GGN: variants seen among roughly 807,000 people sequenced by gnomAD.
GGN encodes the protein gametogenetin.
In GGN, 27 loss-of-function variants were observed where a neutral mutation model predicts 35.5. That is an observed-to-expected ratio of 0.76 (90% CI 0.56 to 1.05). GGN has a LOEUF of 1.05. Ranked by LOEUF, GGN falls within the 50% of genes least tolerant of loss-of-function variation. GGN has a pLI of 0.00. For synonymous variants in GGN, 425 were observed against 444.1 expected (o/e 0.96, Z 0.54); for missense variants, 1,006 against 940.7 (o/e 1.07, Z -0.91).
rs759257362 is a variant in GGN, at chr19:38,385,916, A to AGTGTGGGCGGCG, written c.1334_1345dup (p.Pro445_Thr448dup). The AGTGTGGGCGGCG allele has an allele frequency of 3.2e-6, 5 of 1,571,310 alleles. No homozygotes were observed. In the South Asian group the frequency reaches 4.6e-5, roughly 15 times the overall value. ...CGTTGGCTGGAGCGCTGGTGGCTGCAGTGTGGGCGGCGGTGTGGGCGGTGG... is the reference window on the plus strand; with the variant it reads ...CGTTGGCTGGAGCGCTGGTGGCTGCAGTGTGGGCGGCGGTGTGGGCGGCGGTGTGGGCGGTGG... On this transcript the variant is annotated inframe_insertion, in exon 3 of 4. Coordinates refer to ENST00000334928, the MANE Select transcript of GGN (RefSeq NM_152657.4).
chr19:38,385,273 G>T (rs911859800), intron 3 of GGN, 148 bp downstream of exon 3: 1 of 1,096,788 alleles, frequency 9.1e-7, no homozygotes, highest in Non-Finnish European at 1.3e-6. Flanking sequence ...GGTCCTCTTG[G>T]TCCTGAAGGG....
Position 38,385,545 on chromosome 19 carries a change from C to G in GGN, c.1717G>C (p.Gly573Arg). 6.2e-7 allele frequency: 1 copy of G among 1,614,078 alleles called. No homozygotes were observed. Among genetic ancestry groups the G allele is most frequent in the South Asian group, 1.1e-5 (1 of 91,080 alleles). Residue 573 changes from glycine (G) to arginine (R), a missense_variant, in exon 3 of 4, where the codon GGG becomes CGG. By Grantham distance (125) the Gly-to-Arg change is moderately radical. Coordinates refer to ENST00000334928, the MANE Select transcript of GGN (RefSeq NM_152657.4). ...GGGGSGASQTGAANTRAARHW... is the reference protein window; with the variant it reads ...GGGGSGASQTRAANTRAARHW... The stretch of plus-strand genomic sequence containing the variant: ...CGCGCAGCGCGGGTGTTAGCTGCCC[C>G]AGTCTGAGAGGCCCCGCTGCCACCA...
Position 38,385,998 on chromosome 19 carries a change from T to C in GGN, c.1264A>G (p.Thr422Ala). The part of the protein sequence containing the change: ...APPTFIFPAP[T>A]NGEPMRPGPP... ...CCCGGGCGCATGGGCTCGCCATTGG[T>C]GGGTGCTGGGAAGATGAACGTAGGC... The change falls in exon 3 of 4, where the codon ACC becomes GCC. Residue 422 changes from threonine (T) to alanine (A), a missense_variant. By Grantham distance (58) the Thr-to-Ala change is moderately conservative. Coordinates refer to ENST00000334928, the MANE Select transcript of GGN (RefSeq NM_152657.4). 1 of 1,607,532 alleles carries C rather than the reference T, an allele frequency of 6.2e-7. No individual in the cohort carries two copies. The highest frequency in any genetic ancestry group is 8.5e-7 in the Non-Finnish European group (1 of 1,177,150).
chr19:38,387,670 C>G lies in GGN; in HGVS notation c.-20+91G>C, dbSNP rs1970756941. On this transcript the variant is annotated intron_variant, in intron 2 of 3. Transcript: ENST00000334928. The surrounding 1 kb of genome is among the most constrained non-coding windows in gnomAD (Gnocchi z 5.3). ...CCTCACCCCTAAACCTCTTCCCGCT[C>G]CAGGTCTACTAGCTGGCATCCACAG... 5.5e-6 allele frequency: 1 copy of G among 183,084 alleles called. No homozygotes were observed. The highest frequency in any genetic ancestry group is 2.3e-5 in the African/African-American group (1 of 42,586). The allele number at this position is 183,084 out of a possible 1,614,324, so 11.3% of individuals were successfully genotyped here.
At position 38,385,593 on chromosome 19, in the gene GGN, G is replaced by A. The variant is rs1255517894; in HGVS notation, c.1669C>T (p.Pro557Ser). Residue 557 changes from proline (P) to serine (S), a missense_variant, in exon 3 of 4, where the codon CCT (proline) becomes TCT (serine). Transcript: ENST00000334928. ...GPRERATATVPDSSGGGGGGS... is the reference protein window; with the variant it reads ...GPRERATATVSDSSGGGGGGS... ...CCACCCCCTCCACCACTGCTGTCAG[G>A]CACGGTAGCTGTAGCTCGTTCGCGA... is the stretch of plus-strand genomic sequence containing the variant. The A allele has an allele frequency of 1.2e-6, 2 of 1,614,172 alleles. No individual in the cohort carries two copies. Among genetic ancestry groups the A allele is most frequent in the Admixed American group, 1.7e-5 (1 of 60,034 alleles).
At position 38,386,036 on chromosome 19, in the gene GGN, G is replaced by A; in HGVS notation, c.1226C>T (p.Ala409Val). 1.2e-6 allele frequency: 2 copies of A among 1,602,328 alleles called. No individual in the cohort carries two copies. Among genetic ancestry groups the A allele is most frequent in the African/African-American group, 1.3e-5 (1 of 74,774 alleles). ...GATGAACGTAGGCGGCGCCAGCAGG[G>A]CAGGTGCGGGCCTCCGGGGCCCGGG... ...SAPGPRRPAP[A>V]LLAPPTFIFP... The change falls in exon 3 of 4, where the codon GCC (alanine) becomes GTC (valine). Residue 409 changes from alanine to valine, a missense_variant. By Grantham distance (64) the Ala-to-Val change is moderately conservative (BLOSUM62 0). Coordinates refer to ENST00000334928, the MANE Select transcript of GGN (RefSeq NM_152657.4).
At position 38,386,585 on chromosome 19, in the gene GGN, T is replaced by TCGCCCGCATGGGGAGGCGCCCCTC. The variant is rs771586902; in HGVS notation, c.653_676dup (p.Gly218_Gly225dup). 9 of 1,613,490 alleles carry TCGCCCGCATGGGGAGGCGCCCCTC rather than the reference T, an allele frequency of 5.6e-6. No individual in the cohort carries two copies. The Admixed American group carries it at 1.0e-4, about 18-fold the overall frequency. ...ATCCGCAGGCTGGGCCATTTCGCCT[T>TCGCCCGCATGGGGAGGCGCCCCTC]CGCCCGCATGGGGAGGCGCCCCTCC... On this transcript the variant is annotated inframe_insertion, in exon 3 of 4. Coordinates refer to ENST00000334928, the MANE Select transcript of GGN (RefSeq NM_152657.4).
rs770036505 is a variant in GGN, at chr19:38,386,945, G to A, written c.317C>T (p.Pro106Leu). ...GGGCTTTTGCCATTTAGACGGGCCG[G>A]GCAGCAGAGTCCCCGCGGGGGCCGG... is the stretch of plus-strand genomic sequence containing the variant. ...PPPAPAGTLLPGPSKWQKPAG... is the reference protein window; with the variant it reads ...PPPAPAGTLLLGPSKWQKPAG... Residue 106 changes from proline to leucine, a missense_variant, in exon 3 of 4, where the codon CCC (proline) becomes CTC (leucine). Pro to Leu is a moderately conservative substitution (Grantham distance 98). Transcript: ENST00000334928. The A allele has an allele frequency of 4.5e-6, 7 of 1,546,194 alleles. No individual in the cohort carries two copies. The highest frequency in any genetic ancestry group is 6.1e-6 in the Non-Finnish European group (7 of 1,146,232).
rs1440788367 is a variant in GGN at position 38,386,586 on chromosome 19, C to T, written c.676G>A (p.Glu226Lys). 3.7e-6 allele frequency: 6 copies of T among 1,613,300 alleles called. No individual in the cohort carries two copies. In the African/African-American group the frequency reaches 4.0e-5, roughly 11 times the overall value. The change falls in exon 3 of 4, where the codon GAA (glutamate) becomes AAA (lysine). Residue 226 changes from glutamate to lysine, a missense_variant. Coordinates refer to ENST00000334928, the MANE Select transcript of GGN (RefSeq NM_152657.4). ...ARGGAPPHAG[E>K]GEMAQPADSE... ...TCCGCAGGCTGGGCCATTTCGCCTTCGCCCGCATGGGGAGGCGCCCCTCCG... is the reference window on the plus strand; with the variant it reads ...TCCGCAGGCTGGGCCATTTCGCCTTTGCCCGCATGGGGAGGCGCCCCTCCG...
intron 3 of GGN, among the ~76,000 whole-genome samples, 153 bp downstream of exon 3, chr19:38,385,268 T>A (rs1970688556): frequency 6.6e-6 from 1 of 152,322 alleles, no homozygotes; most frequent in South Asian, 2.1e-4. Flanking sequence ...TCATGGGTCC[T>A]CTTGGTCCTG....
In GGN at chr19:38,385,864, G is replaced by C. The variant is rs1413677350; in HGVS notation, c.1398C>G (p.Thr466=). The C allele has an allele frequency of 6.5e-7, 1 of 1,545,002 alleles. No homozygotes were observed. The highest frequency in any genetic ancestry group is 8.7e-7 in the Non-Finnish European group (1 of 1,148,358). The change falls in exon 3 of 4, where the codon ACC becomes ACG. Residue 466 remains threonine (T), a synonymous_variant. Transcript: ENST00000334928. ...CTGACTCCTTGTGGCCCAGACCCGG[G>C]GTGAGCGGGGGAGCCACCGGCAGCG... ...PTPLPVAPPL[T]PGLGHKESAL...
chr19:38,385,508 G>T lies in GGN; in HGVS notation c.1754C>A (p.Pro585His). ...ANTRAARHWL[P>H]FQVLNSCPCK... ...GGGACAGGAGTTAAGCACCTGGAAG[G>T]GCAGCCAGTGGCGCGCAGCGCGGGT... Residue 585 changes from proline (P) to histidine (H), a missense_variant, in exon 3 of 4, where the codon CCC (proline) becomes CAC (histidine). Transcript: ENST00000334928. 2 of 1,614,072 alleles carry T rather than the reference G, an allele frequency of 1.2e-6. No homozygotes were observed. The highest frequency in any genetic ancestry group is 2.7e-5 in the African/African-American group (2 of 75,070).
chr19:38,386,867 C>T lies in GGN; in HGVS notation c.395G>A (p.Gly132Asp). ...GCGGAGGCTCGGAGGGTCGCCCTGG[C>T]CGCGATGGCTCGCCTCCAGCAGGCG... is the stretch of plus-strand genomic sequence containing the variant. ...IRRLLEASHR[G>D]QGDPPSLRPL... Residue 132 changes from glycine (G) to aspartate (D), a missense_variant, in exon 3 of 4, where the codon GGC (glycine) becomes GAC (aspartate). Transcript: ENST00000334928. 1 of 1,589,182 alleles carries T rather than the reference C, an allele frequency of 6.3e-7. No individual in the cohort carries two copies. The highest frequency in any genetic ancestry group is 8.6e-7 in the Non-Finnish European group (1 of 1,168,286).
upstream of GGN, chr19:38,388,101 C>G (rs899925453): frequency 2.4e-5 from 4 of 166,096 alleles, no homozygotes; most frequent in Non-Finnish European, 5.2e-5. Context: ...CCTCTCATTC[C>G]CTCCCGAGGC....
chr19:38,388,316 A>C, upstream of GGN: 1 of 384,768 alleles, frequency 2.6e-6, no homozygotes, highest in Non-Finnish European at 4.6e-6. Context: ...CCTCGCCTGC[A>C]GCATCCAAAC....
Position 38,385,917 on chromosome 19 carries a change from G to C in GGN, c.1345C>G (p.Leu449Val), listed in dbSNP as rs775205737. ...PLPPPTPPPT[L>V]QPPALQPTPL... The stretch of plus-strand genomic sequence containing the variant: ...GTTGGCTGGAGCGCTGGTGGCTGCA[G>C]TGTGGGCGGCGGTGTGGGCGGTGGC... The change falls in exon 3 of 4, where the codon CTG becomes GTG. Residue 449 changes from leucine to valine, a missense_variant. Transcript: ENST00000334928. The C allele has an allele frequency of 7.6e-6, 12 of 1,571,876 alleles. No individual in the cohort carries two copies. The South Asian group carries it at 1.4e-4, about 18-fold the overall frequency.
At position 38,385,468 on chromosome 19, in the gene GGN, G is replaced by A. The variant is rs756887427; in HGVS notation, c.1794C>T (p.Cys598=). Residue 598 remains cysteine (C), a synonymous_variant, in exon 3 of 4, where the codon TGC becomes TGT. Transcript: ENST00000334928. ...GGCGGCGATGGCGTGGCTGGTGGTGGCAGTAACACTTGCAGGGACAGGAGT... is the reference window on the plus strand; with the variant it reads ...GGCGGCGATGGCGTGGCTGGTGGTGACAGTAACACTTGCAGGGACAGGAGT... ...VLNSCPCKCY[C]HHQPRHRRLP... 2 of 1,614,098 alleles carry A rather than the reference G, an allele frequency of 1.2e-6. No homozygotes were observed. Among genetic ancestry groups the A allele is most frequent in the Admixed American group, 3.3e-5 (2 of 60,028 alleles).
chr19:38,386,968 C>T lies in GGN; in HGVS notation c.294G>A (p.Pro98=). 3 of 1,541,618 alleles carry T rather than the reference C, an allele frequency of 1.9e-6. No homozygotes were observed. The highest frequency in any genetic ancestry group is 2.3e-5 in the East Asian group (1 of 43,220). Residue 98 remains proline (P), a synonymous_variant, in exon 3 of 4, where the codon CCG becomes CCA. Transcript: ENST00000334928. ...EEAAAVSAPP[P]APAGTLLPGP... Reference sequence around the variant, plus strand: ...CGGGCAGCAGAGTCCCCGCGGGGGCCGGGGGTGGTGCAGAGACCGCGGCCG... The same window carrying T: ...CGGGCAGCAGAGTCCCCGCGGGGGCTGGGGGTGGTGCAGAGACCGCGGCCG...
Position 38,385,429 on chromosome 19 carries a change from G to C in GGN, c.1833C>G (p.Val611=), listed in dbSNP as rs772556723. The change falls in exon 3 of 4, where the codon GTC becomes GTG. Residue 611 remains valine (V), a synonymous_variant. Transcript: ENST00000334928. ...QPRHRRLPRN[V]SAWLSTSTNH... is the part of the protein sequence containing the mutation. ...CCCTTCTCCCCTCTCACCAGGCAGA[G>C]ACGTTGCGTGGCAGGCGGCGATGGC... 1 of 1,614,054 alleles carries C rather than the reference G, an allele frequency of 6.2e-7. No homozygotes were observed. Among genetic ancestry groups the C allele is most frequent in the Non-Finnish European group, 8.5e-7 (1 of 1,180,048 alleles).
Sources: gnomAD v4.1 joint callset for allele counts (sites outside exome capture counted in the v4.1 genomes callset) on GRCh38, gnomAD v4.1.1 for gene constraint, Gnocchi (gnomAD v3.1) non-coding constraint, MANE v1.5 for transcripts, NCBI Gene and HGNC (gene_info 2026-07-23, HGNC 2026-07-21) for gene names.